EYA3: variants seen among roughly 807,000 people sequenced by gnomAD.
The protein encoded by EYA3 is protein phosphatase EYA3.
EYA3 carries 39 observed loss-of-function variants against 80.0 expected under a neutral mutation model. The observed-to-expected ratio is 0.49, with a 90% confidence interval of 0.38 to 0.64. EYA3 has a LOEUF of 0.64. EYA3 is among the 30% of genes least tolerant of loss of function. The probability of loss-of-function intolerance (pLI) is 0.00; values close to 1 mark genes in which losing one functional copy is unlikely to be tolerated. For synonymous variants in EYA3, 206 were observed against 232.8 expected (o/e 0.88, Z 1.05); for missense variants, 523 against 676.1 (o/e 0.77, Z 2.51).
At chr1:28,021,972 A>T (rs1642467749) in intron 7 of EYA3, among the ~76,000 whole-genome samples, 1 of 152,046 alleles carries the variant, frequency 6.6e-6, no homozygotes, top group South Asian at 2.1e-4. Flanking sequence ...TATGTGACTA[A>T]TATAACTGAC....
chr1:27,995,633 G>A (rs1298565891), intron 13 of EYA3, among the ~76,000 whole-genome samples: 1 of 151,862 alleles, frequency 6.6e-6, no homozygotes, highest in Non-Finnish European at 1.5e-5. Context: ...CTATTTTGGG[G>A]GCTGGGGTGG....
intron 6 of EYA3, 52 bp from the exon 7 acceptor site, chr1:28,027,978 C>T (rs1177256180): frequency 1.9e-6 from 3 of 1,586,090 alleles, no homozygotes; most frequent in Admixed American, 1.7e-5. Flanking sequence ...GACTGAGGAG[C>T]ATGGTTATGC....
chr1:28,065,454 G>A (rs1644800111), intron 1 of EYA3, among the ~76,000 whole-genome samples: 1 of 151,762 alleles, frequency 6.6e-6, no homozygotes, highest in Non-Finnish European at 1.5e-5. Flanking sequence ...TGTATTTTTA[G>A]TAGAGACGGG....
At chr1:28,039,176 AAAT>A (rs1342802268) in intron 4 of EYA3, among the ~76,000 whole-genome samples, 8 of 152,204 alleles carry the variant, frequency 5.3e-5, no homozygotes, top group East Asian at 3.8e-4. Flanking sequence ...TACTGATCTA[AAAT>A]AATAGATGAA....
In EYA3 at chr1:27,974,515, T is replaced by C; in HGVS notation, c.1673A>G (p.His558Arg). 1 of 1,612,884 alleles carries C rather than the reference T, an allele frequency of 6.2e-7. No homozygotes were observed. Among genetic ancestry groups the C allele is most frequent in the Non-Finnish European group, 8.5e-7 (1 of 1,179,028 alleles). ...CTGGTGAAGGGATACTAGGTCTCCA[T>C]GGTTTGTGATCCTCCAGAAAGGCAT... ...HNMPFWRITN[H>R]GDLVSLHQAL... is the part of the protein sequence containing the mutation. The change falls in exon 18 of 18, where the codon CAT (histidine) becomes CGT (arginine). Residue 558 changes from histidine to arginine, a missense_variant. His to Arg is a conservative substitution (Grantham distance 29). This residue lies in a region of EYA3 where 219 missense variants were observed against 332.8 expected (regional missense o/e 0.66). Transcript: ENST00000373871.
At chr1:28,073,058 A>G (rs1645068803) in intron 1 of EYA3, among the ~76,000 whole-genome samples, 1 of 136,124 alleles carries the variant, frequency 7.3e-6, no homozygotes, top group Non-Finnish European at 1.5e-5. Flanking sequence ...AAAAAGGTTG[A>G]CTATAAAGAG....
chr1:27,982,196 C>T (rs1199284711), intron 16 of EYA3, among the ~76,000 whole-genome samples: 4 of 151,952 alleles, frequency 2.6e-5, no homozygotes, highest in Non-Finnish European at 5.9e-5. Flanking sequence ...CTGGGTTTCA[C>T]CGTGATGCCC....
At chr1:27,977,387 T>C in intron 17 of EYA3, 1 of 1,549,922 alleles carries the variant, frequency 6.5e-7, no homozygotes. Flanking sequence ...AGAAATAGAG[T>C]TGCTGGAAGA....
At chr1:28,073,103 T>TTCTCTATATATATATA (rs1447435853) in intron 1 of EYA3, among the ~76,000 whole-genome samples, 6 of 37,762 alleles carry the variant, frequency 1.6e-4, no homozygotes, top group African/African-American at 3.2e-4. Context: ...GATGAAACTA[T>TTCTCTATATATATATA]TATATATATA....
At chr1:27,987,233 T>C (rs1353383630) in intron 16 of EYA3, among the ~76,000 whole-genome samples, 2 of 152,228 alleles carry the variant, frequency 1.3e-5, no homozygotes, top group Non-Finnish European at 2.9e-5. Context: ...GATTGTCTTA[T>C]TTTCACTTTC....
intron 7 of EYA3, among the ~76,000 whole-genome samples, 180 bp downstream of exon 7, chr1:28,027,609 C>A (rs1455574084): frequency 6.6e-6 from 1 of 152,198 alleles, no homozygotes; most frequent in African/African-American, 2.4e-5. Context: ...ATAAACCACA[C>A]TCCTAAGCTG....
At chr1:28,033,167 G>A (rs1290670962) in intron 6 of EYA3, among the ~76,000 whole-genome samples, 1 of 152,086 alleles carries the variant, frequency 6.6e-6, no homozygotes, top group African/African-American at 2.4e-5. Context: ...TCTGAAAACA[G>A]GCAGCACTAA....
In EYA3 at chr1:28,050,299, T is replaced by C. The variant is rs1049663215; in HGVS notation, c.34-1873A>G. ...CCTCTGTCTCCCGGGTTCAAGCAGT[T>C]CTTGTGCCTCAGCCTCTCGAGTAGC... On this transcript the variant is annotated intron_variant, in intron 2 of 17. Transcript: ENST00000373871. Among the ~76,000 whole-genome samples, 3 of 151,766 alleles carry C rather than the reference T, an allele frequency of 2.0e-5. No homozygotes were observed. In the South Asian group the frequency reaches 6.2e-4, roughly 32 times the overall value.
At chr1:27,999,737 T>A (rs1035422323) in intron 12 of EYA3, among the ~76,000 whole-genome samples, 20 of 152,150 alleles carry the variant, frequency 1.3e-4, no homozygotes, top group African/African-American at 4.3e-4. Flanking sequence ...CTAACAAAAA[T>A]CAAATTTTTG....
chr1:28,000,739 G>A (rs1031531698), intron 11 of EYA3, among the ~76,000 whole-genome samples: 2 of 152,136 alleles, frequency 1.3e-5, no homozygotes, highest in African/African-American at 4.8e-5. Context: ...GACTAGCTGG[G>A]GCAACAAAGC....
At chr1:28,022,077 G>A (rs939495055) in intron 7 of EYA3, among the ~76,000 whole-genome samples, 1 of 152,058 alleles carries the variant, frequency 6.6e-6, no homozygotes, top group African/African-American at 2.4e-5. Flanking sequence ...AATATTTATT[G>A]AGTGCCTACT....
At chr1:27,988,705 G>A (rs761473635) in intron 15 of EYA3, 49 bp from the exon 16 acceptor site, 1 of 1,599,386 alleles carries the variant, frequency 6.3e-7, no homozygotes. Flanking sequence ...AACCAACCTG[G>A]GAGCAAGAAT....
At chr1:28,039,795 G>A (rs1643675169) in intron 4 of EYA3, among the ~76,000 whole-genome samples, 1 of 152,096 alleles carries the variant, frequency 6.6e-6, no homozygotes, top group African/African-American at 2.4e-5. Context: ...CTTGTCCAAT[G>A]CTATTGTTTG....
At chr1:27,984,938 ATT>A (rs1337230803) in intron 16 of EYA3, among the ~76,000 whole-genome samples, 3 of 152,302 alleles carry the variant, frequency 2.0e-5, no homozygotes, top group African/African-American at 7.2e-5. Flanking sequence ...TAATAAAAAT[ATT>A]GTTAGACCAG....
Sources: gnomAD v4.1 joint callset for allele counts (sites outside exome capture counted in the v4.1 genomes callset) on GRCh38, gnomAD v4.1.1 for gene constraint, gnomAD v4.1.1 regional missense constraint, MANE v1.5 for transcripts, NCBI Gene and HGNC (gene_info 2026-07-23, HGNC 2026-07-21) for gene names.